Variants in ANO6 observed in about 807,000 individuals in gnomAD.
ANO6 encodes the protein anoctamin-6.
A neutral mutation model predicts 117.5 loss-of-function variants in ANO6; 106 were observed. The ratio of observed to expected loss-of-function variants is 0.90; its 90% CI spans 0.77 to 1.06. The LOEUF (loss-of-function observed/expected upper bound fraction) is 1.06, where lower values mean the gene tolerates loss of function less well. ANO6 is among the 50% of genes least tolerant of loss of function. The pLI, the probability that ANO6 is intolerant of heterozygous loss-of-function variation, is 0.00. For missense variants in ANO6, 955 were observed against 1,121.1 expected, an observed-to-expected ratio of 0.85 and a Z score of 2.12; for synonymous variants, 367 against 385.1, an observed-to-expected ratio of 0.95 and a Z score of 0.55.
intron 1 of ANO6, among the ~76,000 whole-genome samples, chr12:45,261,487 A>G (rs1450653648): frequency 6.6e-6 from 1 of 152,172 alleles, no homozygotes. Flanking sequence ...CCCAAGAGGG[A>G]AGCATTTTTA....
Position 45,216,138 on chromosome 12 carries a change from C to G in ANO6, c.-184C>G, listed in dbSNP as rs1947305220. 1.6e-6 allele frequency: 1 copy of G among 644,882 alleles called. No individual in the cohort carries two copies. Among genetic ancestry groups the G allele is most frequent in the Non-Finnish European group, 2.7e-6 (1 of 376,588 alleles). 39.9% of individuals were successfully genotyped at this position (644,882 alleles called of 1,614,324 possible). ...GGCAGGCGAGAGGCGTCCTCCGGCTCTGGGCTCCGGTCGGTGGGTGCCTCG... is the reference window on the plus strand; with the variant it reads ...GGCAGGCGAGAGGCGTCCTCCGGCTGTGGGCTCCGGTCGGTGGGTGCCTCG... On this transcript the variant is annotated 5_prime_UTR_variant, in exon 1 of 20. Transcript: ENST00000320560.
chr12:45,285,503 G>A (rs763490268), intron 1 of ANO6, among the ~76,000 whole-genome samples: 1 of 152,174 alleles, frequency 6.6e-6, no homozygotes, highest in Non-Finnish European at 1.5e-5. Context: ...CAGCACTTTG[G>A]GAGGCTGAGG....
chr12:45,317,133 T>TATATATATATGTATATATATA (rs34406866), intron 2 of ANO6, among the ~76,000 whole-genome samples: 1 of 69,542 alleles, frequency 1.4e-5, no homozygotes, highest in Non-Finnish European at 3.2e-5. Context: ...ATATATATAT[T>TATATATATATGTATATATATA]TATTATACTT....
At chr12:45,366,000 T>G (rs1285306094) in intron 8 of ANO6, among the ~76,000 whole-genome samples, 2 of 152,192 alleles carry the variant, frequency 1.3e-5, no homozygotes, top group Non-Finnish European at 2.9e-5. Context: ...TTCCTATTTG[T>G]TTTTCCTTAG....
At chr12:45,377,566 C>T (rs1251197847) in intron 9 of ANO6, among the ~76,000 whole-genome samples, 2 of 152,128 alleles carry the variant, frequency 1.3e-5, no homozygotes, top group Non-Finnish European at 2.9e-5. Flanking sequence ...CGAGATAAAC[C>T]TCAGCTTTGT....
Position 45,421,140 on chromosome 12 carries a change from C to G in ANO6, c.2287C>G (p.Pro763Ala). 3 of 1,614,070 alleles carry G rather than the reference C, an allele frequency of 1.9e-6. No individual in the cohort carries two copies. Among genetic ancestry groups the G allele is most frequent in the Non-Finnish European group, 2.5e-6 (3 of 1,179,990 alleles). ...GTACTACTGGTCCTTCTCCGTCCCT[C>G]CCTACGGGGACCACACTTCCTACAC... ...LVYYWSFSVPPYGDHTSYTME... is the reference protein window; with the variant it reads ...LVYYWSFSVPAYGDHTSYTME... The change falls in exon 18 of 20, where the codon CCC (proline) becomes GCC (alanine). Residue 763 changes from proline (P) to alanine (A), a missense_variant. By Grantham distance (27) the Pro-to-Ala change is conservative. Coordinates refer to ENST00000320560, the MANE Select transcript of ANO6 (RefSeq NM_001025356.3).
At chr12:45,354,831 A>T (rs1197629526) in intron 7 of ANO6, among the ~76,000 whole-genome samples, 3 of 152,352 alleles carry the variant, frequency 2.0e-5, no homozygotes, top group East Asian at 3.9e-4. Context: ...TAAAGCAAGA[A>T]TATTAATCTA....
At chr12:45,364,186 T>C (rs1466973603) in intron 8 of ANO6, among the ~76,000 whole-genome samples, 3 of 152,224 alleles carry the variant, frequency 2.0e-5, no homozygotes, top group African/African-American at 7.2e-5. Context: ...ACCCTTTATA[T>C]GTGATGAATC....
intron 7 of ANO6, among the ~76,000 whole-genome samples, chr12:45,355,160 C>A (rs1385706256): frequency 6.6e-6 from 1 of 152,030 alleles, no homozygotes; most frequent in African/African-American, 2.4e-5. Flanking sequence ...ATACTTGTAA[C>A]TTTGATTTAA....
In ANO6 at chr12:45,319,546, A is replaced by T. The variant is rs139778705; in HGVS notation, c.151-11749A>T. On this transcript the variant is annotated intron_variant, in intron 2 of 19. Coordinates refer to ENST00000320560, the MANE Select transcript of ANO6 (RefSeq NM_001025356.3). ...TATTTTATTGAGGATTTTCACATCG[A>T]TGTTCATCAGGGATATTGGTCTAAA... 8.0e-3 allele frequency among the ~76,000 whole-genome samples: 1,217 copies of T among 152,294 alleles called. 14 individuals carry two copies. The highest frequency in any genetic ancestry group is 0.028 in the African/African-American group (1,173 of 41,548).
At chr12:45,336,752 T>C (rs1298189115) in intron 3 of ANO6, among the ~76,000 whole-genome samples, 3 of 152,076 alleles carry the variant, frequency 2.0e-5, no homozygotes, top group African/African-American at 7.2e-5. Flanking sequence ...AGTATACTTT[T>C]TATCATTATT....
At chr12:45,406,056 A>T (rs1158809593) in intron 15 of ANO6, among the ~76,000 whole-genome samples, 1 of 152,200 alleles carries the variant, frequency 6.6e-6, no homozygotes, top group Non-Finnish European at 1.5e-5. Flanking sequence ...GTTTCACCAC[A>T]CATGTACCCT....
intron 12 of ANO6, 121 bp downstream of exon 12, chr12:45,390,619 C>G: frequency 3.4e-6 from 3 of 879,070 alleles, no homozygotes; most frequent in Non-Finnish European, 5.4e-6. Context: ...ACTATATGGT[C>G]TCAGAGAGAC....
intron 9 of ANO6, among the ~76,000 whole-genome samples, chr12:45,372,992 G>A (rs1206396588): frequency 1.3e-5 from 2 of 152,132 alleles, no homozygotes; most frequent in South Asian, 2.1e-4. Flanking sequence ...ACACACATAG[G>A]TTCAAAATAA....
At chr12:45,368,761 G>C (rs1593022528) in intron 9 of ANO6, among the ~76,000 whole-genome samples, 1 of 152,134 alleles carries the variant, frequency 6.6e-6, no homozygotes, top group Admixed American at 6.5e-5. Flanking sequence ...GAACATTGTA[G>C]CCTACTCCAT....
At chr12:45,293,398 C>G (rs1939171170) in intron 1 of ANO6, among the ~76,000 whole-genome samples, 2 of 152,026 alleles carry the variant, frequency 1.3e-5, no homozygotes, top group African/African-American at 4.8e-5. Context: ...ATCTTTTCCC[C>G]AGATTTTATC....
At chr12:45,286,879 A>G (rs1374719043) in intron 1 of ANO6, among the ~76,000 whole-genome samples, 1 of 152,148 alleles carries the variant, frequency 6.6e-6, no homozygotes, top group Non-Finnish European at 1.5e-5. Flanking sequence ...AGGTTGAATG[A>G]TCTAAGCTCC....
At chr12:45,316,913 A>T (rs1036128484) in intron 2 of ANO6, among the ~76,000 whole-genome samples, 11 of 150,232 alleles carry the variant, frequency 7.3e-5, no homozygotes, top group African/African-American at 2.4e-4. Context: ...TTTAATGTGG[A>T]TATATCTGTT....
chr12:45,380,435 A>T (rs1942139528), intron 10 of ANO6, among the ~76,000 whole-genome samples: 1 of 152,214 alleles, frequency 6.6e-6, no homozygotes, highest in Admixed American at 6.5e-5. Flanking sequence ...GGATCTGGGG[A>T]ACCAGGAAGC....
Sources: allele counts gnomAD v4.1 joint callset (sites outside exome capture counted in the v4.1 genomes callset), GRCh38; gene constraint gnomAD v4.1.1; transcripts MANE v1.5; gene names NCBI Gene and HGNC (gene_info 2026-07-23, HGNC 2026-07-21).